The following MALRD1 variants were observed in gnomAD, a reference collection of about 807,000 sequenced individuals.
MALRD1 encodes MAM and LDL receptor class A domain containing 1, also known as MAM and LDL-receptor class A domain-containing protein 1.
MALRD1 carries 247 observed loss-of-function variants against 242.1 expected under a neutral mutation model. The observed-to-expected ratio is 1.02, with a 90% CI of 0.92 to 1.13. The LOEUF is 1.13. MALRD1 is among the 50% of genes most tolerant of loss of function. MALRD1 has a pLI of 0.00. For missense variants in MALRD1, 2,989 were observed against 2,533.1 expected (o/e 1.18, Z -3.86); for synonymous variants, 995 against 866.6 (o/e 1.15, Z -2.60).
chr10:19,218,369 ACT>A (rs879766709), intron 18 of MALRD1, among the ~76,000 whole-genome samples: 11 of 152,060 alleles, frequency 7.2e-5, no homozygotes, highest in Non-Finnish European at 1.0e-4. Flanking sequence ...TGAACAGGCT[ACT>A]CTGTTTACAT....
At position 19,734,438 on chromosome 10, in the gene MALRD1, C is replaced by T. The variant is rs1423841328; in HGVS notation, c.*201C>T. On this transcript the variant is annotated 3_prime_UTR_variant, in exon 40 of 40. Coordinates refer to ENST00000454679, the MANE Select transcript of MALRD1 (RefSeq NM_001142308.3). ...AATCAGAATCAGTACCTTATCTTCACTGAACATCTGAATATTTTAATAAAA... is the reference window on the plus strand; with the variant it reads ...AATCAGAATCAGTACCTTATCTTCATTGAACATCTGAATATTTTAATAAAA... 1 of 375,526 alleles carries T rather than the reference C, an allele frequency of 2.7e-6. No individual in the cohort carries two copies. Among genetic ancestry groups the T allele is most frequent in the South Asian group, 1.1e-4 (1 of 9,142 alleles). The allele number at this position is 375,526 out of a possible 1,614,324, so 23.3% of individuals were successfully genotyped here. A position where few individuals can be genotyped will look rare whatever the true frequency, so the allele number is the denominator to read the frequency against.
intron 18 of MALRD1, among the ~76,000 whole-genome samples, chr10:19,232,835 C>G (rs555386031): frequency 1.3e-5 from 2 of 152,132 alleles, no homozygotes; most frequent in African/African-American, 4.8e-5. Flanking sequence ...GCTTCTTGCT[C>G]TTTCACTGTC....
chr10:19,555,938 AT>A (rs1376610767), intron 32 of MALRD1, among the ~76,000 whole-genome samples: 3 of 152,178 alleles, frequency 2.0e-5, no homozygotes, highest in Non-Finnish European at 4.4e-5. Context: ...GACTAAATGT[AT>A]TAACGGAACA....
intron 19 of MALRD1, among the ~76,000 whole-genome samples, chr10:19,267,841 G>T (rs1339561229): frequency 6.6e-6 from 1 of 152,026 alleles, no homozygotes; most frequent in African/African-American, 2.4e-5. Context: ...TTGAGCCTTG[G>T]TGATTGCAAT....
At chr10:19,448,427 G>A (rs1307472223) in intron 28 of MALRD1, among the ~76,000 whole-genome samples, 1 of 148,972 alleles carries the variant, frequency 6.7e-6, no homozygotes, top group Non-Finnish European at 1.5e-5. Context: ...ATAATAGTGT[G>A]TATATATGTA....
chr10:19,263,692 A>AT (rs997239523), intron 19 of MALRD1, among the ~76,000 whole-genome samples: 2 of 151,862 alleles, frequency 1.3e-5, no homozygotes, highest in African/African-American at 2.4e-5. Flanking sequence ...TGAAGAGATT[A>AT]TTTTTTCCCA....
rs1469773680 is a variant in MALRD1 at position 19,692,288 on chromosome 10, A to G, written c.6144A>G (p.Arg2048=). The G allele has an allele frequency of 1.6e-5, 24 of 1,533,976 alleles. No individual in the cohort carries two copies. Among genetic ancestry groups the G allele is most frequent in the Non-Finnish European group, 2.0e-5 (23 of 1,145,536 alleles). The change falls in exon 37 of 40, where the codon AGA becomes AGG. Residue 2048 remains arginine (R), a synonymous_variant. Coordinates refer to ENST00000454679, the MANE Select transcript of MALRD1 (RefSeq NM_001142308.3). Reference sequence around the variant, plus strand: ...TATTTTATCTCCTTTCCAGATGTAGACAAGGCTGGAAAGGAAATCGATGCC... The same window carrying G: ...TATTTTATCTCCTTTCCAGATGTAGGCAAGGCTGGAAAGGAAATCGATGCC... ...VEKNGPMCRC[R]QGWKGNRCHI... is the part of the protein sequence containing the mutation.
At chr10:19,673,667 A>C (rs1203684975) in intron 36 of MALRD1, among the ~76,000 whole-genome samples, 2 of 152,172 alleles carry the variant, frequency 1.3e-5, no homozygotes, top group Admixed American at 1.3e-4. Flanking sequence ...AAGAACAAAC[A>C]GCCAAATAGC....
intron 33 of MALRD1, among the ~76,000 whole-genome samples, chr10:19,593,091 G>A (rs900613408): frequency 1.5e-4 from 23 of 151,952 alleles, no homozygotes; most frequent in Non-Finnish European, 1.5e-5. Context: ...TTTGACCATG[G>A]TCCAGTACCA....
intron 18 of MALRD1, among the ~76,000 whole-genome samples, chr10:19,214,166 T>C (rs766162025): frequency 3.1e-4 from 47 of 152,200 alleles, no homozygotes; most frequent in Admixed American, 5.9e-4. Flanking sequence ...CTCGGAAACC[T>C]TGTCCTGAGA....
intron 29 of MALRD1, among the ~76,000 whole-genome samples, chr10:19,474,994 A>T (rs1435309041): frequency 7.9e-5 from 12 of 152,224 alleles, no homozygotes; most frequent in Non-Finnish European, 1.5e-5. Flanking sequence ...ACCGCTTCAT[A>T]TAGGAAGTTC....
chr10:19,241,190 G>C (rs1265910277), intron 18 of MALRD1, among the ~76,000 whole-genome samples: 2 of 150,954 alleles, frequency 1.3e-5, no homozygotes, highest in Non-Finnish European at 3.0e-5. Flanking sequence ...ATCAGGTCCT[G>C]GGTGTTGGTT....
intron 28 of MALRD1, among the ~76,000 whole-genome samples, chr10:19,398,199 G>T (rs1165106921): frequency 6.6e-6 from 1 of 151,824 alleles, no homozygotes; most frequent in Non-Finnish European, 1.5e-5. Context: ...TGCTTTTGTT[G>T]TCTGTGAATT....
At position 19,165,770 on chromosome 10, in the gene MALRD1, A is replaced by T; in HGVS notation, c.1790A>T (p.Asp597Val). The change falls in exon 13 of 40, where the codon GAT becomes GTT. Residue 597 changes from aspartate (D) to valine (V), a missense_variant. Transcript: ENST00000454679. The part of the protein sequence containing the change: ...SESQWSHAKI[D>V]LIAEAGESTL... ...TCTCAGTGGAGCCACGCAAAAATTG[A>T]TCTCATTGCAGAAGCGGGAGAATCT... 1 of 1,231,712 alleles carries T rather than the reference A, an allele frequency of 8.1e-7. No individual in the cohort carries two copies. The highest frequency in any genetic ancestry group is 4.2e-5 in the Admixed American group (1 of 23,722). 76.3% of individuals were successfully genotyped at this position (1,231,712 alleles called of 1,614,324 possible).
intron 36 of MALRD1, among the ~76,000 whole-genome samples, chr10:19,677,228 G>C (rs532734201): frequency 1.3e-5 from 2 of 152,076 alleles, no homozygotes. Flanking sequence ...CTAGGTCTTC[G>C]AGGAATCATC....
intron 36 of MALRD1, among the ~76,000 whole-genome samples, chr10:19,688,119 G>A (rs939809172): frequency 2.0e-5 from 3 of 152,034 alleles, no homozygotes; most frequent in East Asian, 1.9e-4. Flanking sequence ...ACAGGCACCC[G>A]CCACCACACC....
At chr10:19,368,002 G>C (rs1414209523) in intron 26 of MALRD1, among the ~76,000 whole-genome samples, 1 of 151,912 alleles carries the variant, frequency 6.6e-6, no homozygotes, top group South Asian at 2.1e-4. Context: ...CATATATTCT[G>C]GATATTAGTG....
At chr10:19,059,976 A>G (rs116288830) in intron 1 of MALRD1, among the ~76,000 whole-genome samples, 1 of 152,240 alleles carries the variant, frequency 6.6e-6, no homozygotes, top group East Asian at 1.9e-4. Flanking sequence ...TCAAAGTTAT[A>G]TTAGCAAAGG....
chr10:19,681,702 T>C (rs1564537519), intron 36 of MALRD1, among the ~76,000 whole-genome samples: 1 of 152,158 alleles, frequency 6.6e-6, no homozygotes, highest in South Asian at 2.1e-4. Flanking sequence ...GTGCCCTTGC[T>C]AGAGAGGTGT....
Sources: gnomAD v4.1 joint callset for allele counts (sites outside exome capture counted in the v4.1 genomes callset) on GRCh38, gnomAD v4.1.1 for gene constraint, MANE v1.5 for transcripts, NCBI Gene and HGNC (gene_info 2026-07-23, HGNC 2026-07-21) for gene names.